The following MSH3 variants were observed in gnomAD, a reference collection of about 807,000 sequenced individuals.
MSH3 encodes the protein mutS homolog 3.
MSH3 carries 106 observed loss-of-function variants against 123.3 expected under a neutral mutation model. That is an observed-to-expected ratio of 0.86 (90% CI 0.73 to 1.01). The LOEUF (loss-of-function observed/expected upper bound fraction) is 1.01. Among genes scored for constraint, MSH3 ranks in the 50% least tolerant of loss-of-function variants. The probability of loss-of-function intolerance (pLI) is 0.00; values close to 1 mark genes in which losing one functional copy is unlikely to be tolerated. For missense variants in MSH3, 1,459 were observed against 1,347.6 expected, an observed-to-expected ratio of 1.08 and a Z score of -1.29; for synonymous variants, 515 against 481.4, an observed-to-expected ratio of 1.07 and a Z score of -0.91.
chr5:80,776,936 T>TTTC (rs1744315364), intron 16 of MSH3, among the ~76,000 whole-genome samples: 1 of 146,980 alleles, frequency 6.8e-6, no homozygotes, highest in Non-Finnish European at 1.5e-5. Context: ...ATATTTTTTT[T>TTTC]TTTTCTTTTT....
At chr5:80,802,493 C>T (rs147626357) in intron 19 of MSH3, among the ~76,000 whole-genome samples, 32 of 151,792 alleles carry the variant, frequency 2.1e-4, no homozygotes, top group East Asian at 5.8e-4. Flanking sequence ...ATACAGACAC[C>T]GAATGTGTAA....
At chr5:80,771,206 G>T (rs1256623080) in intron 15 of MSH3, among the ~76,000 whole-genome samples, 1 of 152,068 alleles carries the variant, frequency 6.6e-6, no homozygotes, top group African/African-American at 2.4e-5. Context: ...TTTTAAAAAC[G>T]ACTACAGTGG....
intron 23 of MSH3, among the ~76,000 whole-genome samples, chr5:80,874,191 G>A (rs888261821): frequency 6.6e-6 from 1 of 152,038 alleles, no homozygotes; most frequent in African/African-American, 2.4e-5. Flanking sequence ...TTTCAATATT[G>A]AAATAGTAAT....
At chr5:80,795,750 T>C (rs76411214) in intron 19 of MSH3, among the ~76,000 whole-genome samples, 4,434 of 152,238 alleles carry the variant, frequency 0.029, 211 homozygotes, top group African/African-American at 0.1. Context: ...TTATTGTCTT[T>C]AAAAAGAAGA....
At chr5:80,766,600 C>T (rs1477269593) in intron 13 of MSH3, among the ~76,000 whole-genome samples, 1 of 152,096 alleles carries the variant, frequency 6.6e-6, no homozygotes, top group Non-Finnish European at 1.5e-5. Flanking sequence ...GCCTCAGCCT[C>T]CCAAAGTGCT....
chr5:80,750,106 T>TGTGTGTGTGTGTGTGTGTGA (rs1743807362), intron 12 of MSH3, among the ~76,000 whole-genome samples: 1 of 151,606 alleles, frequency 6.6e-6, no homozygotes, highest in Non-Finnish European at 1.5e-5. Flanking sequence ...TGTGTGTGTG[T>TGTGTGTGTGTGTGTGTGTGA]GTGTGTCACA....
At chr5:80,663,287 G>A (rs879517241) in intron 2 of MSH3, among the ~76,000 whole-genome samples, 16 of 152,190 alleles carry the variant, frequency 1.1e-4, no homozygotes, top group Admixed American at 1.3e-4. Flanking sequence ...ACTAGCCATA[G>A]AGTCACAGCA....
chr5:80,826,106 T>A (rs1045634968), intron 20 of MSH3, among the ~76,000 whole-genome samples: 1 of 152,240 alleles, frequency 6.6e-6, no homozygotes, highest in African/African-American at 2.4e-5. Flanking sequence ...TTAGAACAGC[T>A]GCATCAGAAT....
chr5:80,758,543 G>C (rs769764713), intron 12 of MSH3, among the ~76,000 whole-genome samples: 1 of 152,202 alleles, frequency 6.6e-6, no homozygotes, highest in Non-Finnish European at 1.5e-5. Context: ...CTGAGCCCAA[G>C]TTGGTAACCT....
At chr5:80,689,772 T>C (rs1750185828) in intron 8 of MSH3, among the ~76,000 whole-genome samples, 1 of 151,744 alleles carries the variant, frequency 6.6e-6, no homozygotes. Flanking sequence ...AGTTTGAGGC[T>C]CACAGCAAAG....
rs372431614 is a variant in MSH3 at position 80,778,787 on chromosome 5, C to T, written c.2386C>T (p.Arg796Trp). 61 of 1,612,618 alleles carry T rather than the reference C, an allele frequency of 3.8e-5. 1 individual carries two copies. The highest frequency in any genetic ancestry group is 2.4e-4 in the South Asian group (22 of 91,040). The change falls in exon 17 of 24, where the codon CGG becomes TGG. Residue 796 changes from arginine to tryptophan, a missense_variant. Physicochemically the swap from Arg to Trp is moderately radical, Grantham distance 101 (BLOSUM62 -3). Transcript: ENST00000265081. Reference sequence around the variant, plus strand: ...AAATTACAGACATCTGAATCAGCTCCGGGAGCAGCTAGTCCTTGACTGCAG... The same window carrying T: ...AAATTACAGACATCTGAATCAGCTCTGGGAGCAGCTAGTCCTTGACTGCAG... ...VENYRHLNQL[R>W]EQLVLDCSAE...
intron 20 of MSH3, among the ~76,000 whole-genome samples, chr5:80,851,611 G>A (rs1485049638): frequency 6.6e-6 from 1 of 151,960 alleles, no homozygotes; most frequent in Non-Finnish European, 1.5e-5. Flanking sequence ...TTTTTATTAT[G>A]TGTCTTTTGC....
chr5:80,845,556 G>T (rs1048017066), intron 20 of MSH3, among the ~76,000 whole-genome samples: 14 of 152,094 alleles, frequency 9.2e-5, no homozygotes, highest in Non-Finnish European at 1.5e-4. Context: ...TGTATATTTG[G>T]TCTTTTCACA....
intron 8 of MSH3, among the ~76,000 whole-genome samples, chr5:80,696,519 C>G (rs1750485615): frequency 6.6e-6 from 1 of 152,120 alleles, no homozygotes; most frequent in Non-Finnish European, 1.5e-5. Flanking sequence ...TCAGCTTTTT[C>G]AGCTCCAAGT....
intron 20 of MSH3, among the ~76,000 whole-genome samples, chr5:80,846,126 T>G (rs1745715728): frequency 6.6e-6 from 1 of 152,212 alleles, no homozygotes; most frequent in East Asian, 1.9e-4. Flanking sequence ...ATGCTATTTC[T>G]TTCTGTTTGT....
At chr5:80,798,059 A>G (rs1326056619) in intron 19 of MSH3, among the ~76,000 whole-genome samples, 1 of 152,088 alleles carries the variant, frequency 6.6e-6, no homozygotes, top group Admixed American at 6.5e-5. Flanking sequence ...ATTTCAACTA[A>G]TGGAGGGGAG....
intron 7 of MSH3, among the ~76,000 whole-genome samples, chr5:80,675,545 T>C (rs1749821882): frequency 6.6e-6 from 1 of 152,144 alleles, no homozygotes. Context: ...TACACACTTT[T>C]AAACAACCAG....
chr5:80,694,521 A>T (rs1025658366), intron 8 of MSH3, among the ~76,000 whole-genome samples: 1 of 152,088 alleles, frequency 6.6e-6, no homozygotes, highest in African/African-American at 2.4e-5. Flanking sequence ...GAACCATCAC[A>T]CATAATTTAG....
At chr5:80,732,859 C>G (rs538898660) in intron 10 of MSH3, among the ~76,000 whole-genome samples, 30 of 152,150 alleles carry the variant, frequency 2.0e-4, no homozygotes, top group Non-Finnish European at 3.8e-4. Context: ...AAAACTACAA[C>G]TAACGTGGAA....
Sources: allele counts gnomAD v4.1 joint callset (sites outside exome capture counted in the v4.1 genomes callset), GRCh38; gene constraint gnomAD v4.1.1; transcripts MANE v1.5; gene names NCBI Gene and HGNC (gene_info 2026-07-23, HGNC 2026-07-21).